Variants in RECQL observed in about 807,000 individuals in gnomAD.
RECQL encodes the protein ATP-dependent DNA helicase Q1.
A neutral mutation model predicts 75.8 loss-of-function variants in RECQL; 73 were observed. The observed-to-expected ratio is 0.96, with a 90% CI of 0.80 to 1.17. The LOEUF is 1.17. Among genes scored for constraint, RECQL ranks in the 50% most tolerant of loss-of-function variants. The pLI is 0.00. For missense variants in RECQL, 699 were observed against 772.1 expected, an observed-to-expected ratio of 0.91 and a Z score of 1.12; for synonymous variants, 248 against 254.4, an observed-to-expected ratio of 0.97 and a Z score of 0.24.
In RECQL at chr12:21,473,572, C is replaced by A. The variant is rs200259739; in HGVS notation, c.1426G>T (p.Asp476Tyr). The change falls in exon 12 of 15, where the codon GAT becomes TAT. Residue 476 changes from aspartate to tyrosine, a missense_variant. Around this residue, in one of 2 missense-constraint regions of RECQL, gnomAD observed 669 missense variants for 713.5 expected, o/e 0.94. Transcript: ENST00000444129. ...TCACCACTGTCTTTACAGCAGTTATCGCACATTTTGTTACATGCTTCTGAG... is the reference window on the plus strand; with the variant it reads ...TCACCACTGTCTTTACAGCAGTTATAGCACATTTTGTTACATGCTTCTGAG... ...WNSEACNKMCDNCCKDSAFER... is the reference protein window; with the variant it reads ...WNSEACNKMCYNCCKDSAFER... 1.2e-6 allele frequency: 2 copies of A among 1,612,584 alleles called. No individual in the cohort carries two copies. Among genetic ancestry groups the A allele is most frequent in the Admixed American group, 3.3e-5 (2 of 59,870 alleles).
Position 21,475,569 on chromosome 12 carries a change from A to C in RECQL, c.1115T>G (p.Val372Gly). ...CTTATCAATTCCCATACCAAATGCA[A>C]CAGTTGCCACTACTACCTGAAATAT... ...ANEIQVVVAT[V>G]AFGMGIDKPD... Residue 372 changes from valine to glycine, a missense_variant, in exon 10 of 15, where the codon GTT (valine) becomes GGT (glycine). Val to Gly is a moderately radical substitution (Grantham distance 109). This residue lies in a region of RECQL where 669 missense variants were observed against 713.5 expected (regional missense o/e 0.94). Coordinates refer to ENST00000444129, the MANE Select transcript of RECQL (RefSeq NM_002907.4). 6.2e-7 allele frequency: 1 copy of C among 1,612,300 alleles called. No individual in the cohort carries two copies. The highest frequency in any genetic ancestry group is 1.1e-5 in the South Asian group (1 of 90,688).
At chr12:21,484,729 T>C (rs1184166417) in intron 5 of RECQL, among the ~76,000 whole-genome samples, 1 of 150,106 alleles carries the variant, frequency 6.7e-6, no homozygotes, top group East Asian at 2.0e-4. Context: ...GACAGGACTA[T>C]TTCAGCATTA....
At chr12:21,478,627 G>A (rs1275952528) in intron 6 of RECQL, among the ~76,000 whole-genome samples, 1 of 152,212 alleles carries the variant, frequency 6.6e-6, no homozygotes, top group Non-Finnish European at 1.5e-5. Flanking sequence ...AGTATGTTCA[G>A]ATAACAGCAA....
intron 5 of RECQL, among the ~76,000 whole-genome samples, chr12:21,485,835 T>C (rs545385856): frequency 4.6e-5 from 7 of 152,290 alleles, no homozygotes; most frequent in Non-Finnish European, 7.4e-5. Flanking sequence ...TATGCTATTC[T>C]CTCTCCTTTT....
At chr12:21,484,194 T>C (rs946317823) in intron 5 of RECQL, among the ~76,000 whole-genome samples, 5 of 152,136 alleles carry the variant, frequency 3.3e-5, no homozygotes, top group Non-Finnish European at 5.9e-5. Flanking sequence ...TCATTTTTTT[T>C]CCTTCTAATC....
chr12:21,499,357 T>A (rs1207281126), intron 2 of RECQL, among the ~76,000 whole-genome samples, 198 bp downstream of exon 2: 1 of 152,180 alleles, frequency 6.6e-6, no homozygotes, highest in Non-Finnish European at 1.5e-5. Context: ...TGCACAACAG[T>A]CTAAATGCAT....
chr12:21,474,976 C>T lies in RECQL; in HGVS notation c.1220G>A (p.Arg407Gln), dbSNP rs1176731657. Residue 407 changes from arginine (R) to glutamine (Q), a missense_variant, in exon 11 of 15, where the codon CGA (arginine) becomes CAA (glutamine). Transcript: ENST00000444129. ...NYYQESGRAG[R>Q]DDMKADCILY... ...AATACAGTCTGCTTTCATGTCATCT[C>T]GACCTGTGGTGTGAGAAACCTTGAG... 8 of 1,611,442 alleles carry T rather than the reference C, an allele frequency of 5.0e-6. No homozygotes were observed. The highest frequency in any genetic ancestry group is 1.3e-5 in the African/African-American group (1 of 74,806).
chr12:21,487,291 C>T (rs1943324048), intron 4 of RECQL, among the ~76,000 whole-genome samples: 1 of 151,962 alleles, frequency 6.6e-6, no homozygotes, highest in South Asian at 2.1e-4. Flanking sequence ...CCAAAAAAAC[C>T]AGATTTTTAA....
intron 2 of RECQL, among the ~76,000 whole-genome samples, chr12:21,494,801 G>C (rs376308575): frequency 2.6e-5 from 4 of 152,194 alleles, no homozygotes; most frequent in African/African-American, 9.7e-5. Context: ...AGGGATGCTG[G>C]GGCTCCCCTG....
intron 6 of RECQL, among the ~76,000 whole-genome samples, chr12:21,481,198 C>T (rs1030960377): frequency 2.0e-4 from 31 of 151,978 alleles, no homozygotes; most frequent in Non-Finnish European, 1.5e-4. Flanking sequence ...AAAGGAAAGG[C>T]GAAGAAAACA....
intron 1 of RECQL, among the ~76,000 whole-genome samples, chr12:21,500,640 C>T (rs1007949354): frequency 2.6e-5 from 4 of 152,308 alleles, no homozygotes; most frequent in Middle Eastern, 3.4e-3. Context: ...CATCTCTTCA[C>T]GTAATGAAAA....
rs748842496 is a variant in RECQL, at chr12:21,477,807, T to A, written c.863A>T (p.Tyr288Phe). ...TASFNRPNLY[Y>F]EVRQKPSNTE... ...ATTGACATAAAAATTACATACCTCATAATATAGATTTGGCCTATTAAAAGA... is the reference window on the plus strand; with the variant it reads ...ATTGACATAAAAATTACATACCTCAAAATATAGATTTGGCCTATTAAAAGA... Residue 288 changes from tyrosine to phenylalanine, a missense_variant, in exon 7 of 15, where the codon TAT (tyrosine) becomes TTT (phenylalanine). Around this residue, in one of 2 missense-constraint regions of RECQL, gnomAD observed 669 missense variants for 713.5 expected, o/e 0.94. Coordinates refer to ENST00000444129, the MANE Select transcript of RECQL (RefSeq NM_002907.4). 1 of 1,607,456 alleles carries A rather than the reference T, an allele frequency of 6.2e-7. No individual in the cohort carries two copies. The highest frequency in any genetic ancestry group is 1.7e-5 in the Admixed American group (1 of 59,476).
rs776400641 is a variant in RECQL, at chr12:21,470,275, G to C, written c.1869C>G (p.Phe623Leu). 3 of 1,605,320 alleles carry C rather than the reference G, an allele frequency of 1.9e-6. No homozygotes were observed. Among genetic ancestry groups the C allele is most frequent in the African/African-American group, 1.4e-5 (1 of 73,364 alleles). ...GAAGCATGTTTGCAGCCTTCTTCTGGAAGTTGCCTGAATTTTTTTCCTCCA... is the reference window on the plus strand; with the variant it reads ...GAAGCATGTTTGCAGCCTTCTTCTGCAAGTTGCCTGAATTTTTTTCCTCCA... Reference protein sequence around the residue: ...KKMEEKNSGNFQKKAANMLQQ... With the variant: ...KKMEEKNSGNLQKKAANMLQQ... Residue 623 changes from phenylalanine to leucine, a missense_variant, in exon 15 of 15, where the codon TTC (phenylalanine) becomes TTG (leucine). By Grantham distance (22) the Phe-to-Leu change is conservative. This residue lies in a region of RECQL where 30 missense variants were observed against 58.6 expected (regional missense o/e 0.51). Coordinates refer to ENST00000444129, the MANE Select transcript of RECQL (RefSeq NM_002907.4).
At chr12:21,485,571 T>C (rs1334980903) in intron 5 of RECQL, among the ~76,000 whole-genome samples, 2 of 152,058 alleles carry the variant, frequency 1.3e-5, no homozygotes, top group African/African-American at 4.8e-5. Context: ...AAAAATGAGA[T>C]AGAAATCTGA....
chr12:21,486,666 T>TA (rs1466553487), intron 4 of RECQL, 81 bp from the exon 5 acceptor site: 4 of 1,037,190 alleles, frequency 3.9e-6, no homozygotes, highest in Non-Finnish European at 5.3e-6. Flanking sequence ...CGTTTTTTTT[T>TA]TTTTTTTTTT....
intron 13 of RECQL, 108 bp from the exon 14 acceptor site, chr12:21,471,206 AAAT>A (rs1352373130): frequency 2.8e-5 from 33 of 1,175,010 alleles, no homozygotes; most frequent in Non-Finnish European, 3.6e-5. Context: ...CATTGACTTG[AAAT>A]AATAAAATTT....
intron 6 of RECQL, among the ~76,000 whole-genome samples, chr12:21,481,417 C>G (rs552578066): frequency 3.3e-5 from 5 of 152,138 alleles, no homozygotes; most frequent in Non-Finnish European, 7.4e-5. Context: ...AGCAGATCCA[C>G]AGAGACAACA....
chr12:21,471,614 C>T lies in RECQL; in HGVS notation c.1481G>A (p.Arg494Lys). 6.2e-7 allele frequency: 1 copy of T among 1,612,696 alleles called. No individual in the cohort carries two copies. Among genetic ancestry groups the T allele is most frequent in the Non-Finnish European group, 8.5e-7 (1 of 1,179,082 alleles). ...CTGCTTCAGGATCTTGATTAGATCTCTGCAGTACTCTGTTATGTTCTTTCT... is the reference window on the plus strand; with the variant it reads ...CTGCTTCAGGATCTTGATTAGATCTTTGCAGTACTCTGTTATGTTCTTTCT... ...FERKNITEYC[R>K]DLIKILKQAE... The change falls in exon 13 of 15, where the codon AGA becomes AAA. Residue 494 changes from arginine to lysine, a missense_variant. Transcript: ENST00000444129.
chr12:21,471,258 G>A lies in RECQL; in HGVS notation c.1668-160C>T, dbSNP rs572177296. On this transcript the variant is annotated intron_variant, in intron 13 of 14. Transcript: ENST00000444129. Reference sequence around the variant, plus strand: ...TAAAGCCTTTAAAGAAAATATTTTCGTTACTTTTTTTTATTTATAGTGATT... The same window carrying A: ...TAAAGCCTTTAAAGAAAATATTTTCATTACTTTTTTTTATTTATAGTGATT... 1,975 of 988,632 alleles carry A rather than the reference G, an allele frequency of 2.0e-3. 11 individuals are homozygous for A. Among genetic ancestry groups the A allele is most frequent in the African/African-American group, 0.014 (832 of 58,764 alleles). The allele number at this position is 988,632 out of a possible 1,614,324, so 61.2% of individuals were successfully genotyped here.
Sources: allele counts gnomAD v4.1 joint callset (sites outside exome capture counted in the v4.1 genomes callset), GRCh38; gene constraint gnomAD v4.1.1; regional missense constraint gnomAD v4.1.1; transcripts MANE v1.5; gene names NCBI Gene and HGNC (gene_info 2026-07-23, HGNC 2026-07-21).